RALA: variants seen among roughly 807,000 people sequenced by gnomAD.
RALA encodes ras-related protein Ral-A.
Under a neutral mutation model 24.0 loss-of-function variants are expected in RALA, and 5 were observed. That is an observed-to-expected ratio of 0.21 (90% CI 0.11 to 0.44). The LOEUF (loss-of-function observed/expected upper bound fraction) is 0.44. Among genes scored for constraint, RALA ranks in the 20% least tolerant of loss-of-function variants. The pLI is 0.99. For synonymous variants in RALA, 77 were observed against 83.8 expected (o/e 0.92, Z 0.44); for missense variants, 95 against 241.2 (o/e 0.39, Z 4.01).
In RALA at chr7:39,688,579, A is replaced by ATTT. The variant is rs34265657; in HGVS notation, c.115-1786_115-1784dup. Among the ~76,000 whole-genome samples the ATTT allele has an allele frequency of 1.9e-3, 274 of 142,772 alleles. 3 individuals carry two copies. Among genetic ancestry groups the ATTT allele is most frequent in the Non-Finnish European group, 2.8e-3 (183 of 66,158 alleles). The allele number at this position is 142,772 out of a possible 152,430, so 93.7% of individuals were successfully genotyped here. A position where few individuals can be genotyped will look rare whatever the true frequency, so the allele number is the denominator to read the frequency against. On this transcript the variant is annotated intron_variant, in intron 2 of 4. Coordinates refer to ENST00000005257, the MANE Select transcript of RALA (RefSeq NM_005402.4). The stretch of plus-strand genomic sequence containing the variant: ...AAAAGTAAGAATATTCACATGCCTA[A>ATTT]TTTTTTTTTTTTTTTTTTTAAAGAT...
chr7:39,646,924 A>G (rs1002965735), intron 1 of RALA, among the ~76,000 whole-genome samples: 2 of 152,246 alleles, frequency 1.3e-5, no homozygotes, highest in Admixed American at 1.3e-4. Context: ...GAGAGGTTGG[A>G]TAAGCTATTA....
chr7:39,705,408 C>CAA (rs1197741475), intron 4 of RALA, among the ~76,000 whole-genome samples: 1 of 152,092 alleles, frequency 6.6e-6, no homozygotes, highest in African/African-American at 2.4e-5. Context: ...TACTCTCAGC[C>CAA]GTTTATGTGG....
At chr7:39,665,731 G>A (rs1276950358) in intron 1 of RALA, among the ~76,000 whole-genome samples, 2 of 151,272 alleles carry the variant, frequency 1.3e-5, no homozygotes, top group East Asian at 2.0e-4. Flanking sequence ...TGTGCCACCC[G>A]TGAGAATTAT....
intron 1 of RALA, among the ~76,000 whole-genome samples, chr7:39,675,697 C>T (rs1792473005): frequency 6.7e-6 from 1 of 149,680 alleles, no homozygotes; most frequent in African/African-American, 2.5e-5. Flanking sequence ...TTACATTCTA[C>T]ACTCTAGCCT....
intron 2 of RALA, among the ~76,000 whole-genome samples, chr7:39,688,740 A>G (rs1792756577): frequency 6.6e-6 from 1 of 152,076 alleles, no homozygotes; most frequent in South Asian, 2.1e-4. Context: ...TGCCCAGCTA[A>G]TTGTTGTATA....
chr7:39,676,404 T>G (rs1322934788), intron 1 of RALA, among the ~76,000 whole-genome samples: 1 of 152,240 alleles, frequency 6.6e-6, no homozygotes, highest in Non-Finnish European at 1.5e-5. Flanking sequence ...TAAAACAGGT[T>G]ATGTATCCTT....
intron 1 of RALA, among the ~76,000 whole-genome samples, chr7:39,645,970 A>C (rs926911127): frequency 1.6e-4 from 25 of 152,186 alleles, no homozygotes; most frequent in Non-Finnish European, 2.4e-4. Context: ...TCATCAAAAC[A>C]ATTTAAGAAG....
chr7:39,627,304 C>T (rs1006436349), intron 1 of RALA, among the ~76,000 whole-genome samples: 3 of 151,986 alleles, frequency 2.0e-5, no homozygotes, highest in African/African-American at 4.8e-5. Flanking sequence ...TTTAATTATA[C>T]GTGAAGGTGA....
At chr7:39,630,321 G>A (rs1791574014) in intron 1 of RALA, among the ~76,000 whole-genome samples, 1 of 150,226 alleles carries the variant, frequency 6.7e-6, no homozygotes, top group Non-Finnish European at 1.5e-5. Flanking sequence ...CACAGTGCTG[G>A]AATTACAGGC....
intron 4 of RALA, among the ~76,000 whole-genome samples, chr7:39,699,856 C>T (rs1334773546): frequency 6.6e-6 from 1 of 152,180 alleles, no homozygotes; most frequent in African/African-American, 2.4e-5. Flanking sequence ...GGACACTTGG[C>T]CCTCAAACAA....
At chr7:39,652,290 G>A (rs1461284958) in intron 1 of RALA, among the ~76,000 whole-genome samples, 1 of 152,152 alleles carries the variant, frequency 6.6e-6, no homozygotes, top group Non-Finnish European at 1.5e-5. Flanking sequence ...CTGTGGCAAT[G>A]GCAGTTAAAT....
At chr7:39,648,096 A>G (rs886158029) in intron 1 of RALA, among the ~76,000 whole-genome samples, 1 of 152,196 alleles carries the variant, frequency 6.6e-6, no homozygotes, top group Non-Finnish European at 1.5e-5. Context: ...ACCTTTATAG[A>G]GGCTGTCATC....
chr7:39,683,485 G>T (rs1431064553), intron 1 of RALA, among the ~76,000 whole-genome samples: 2 of 152,080 alleles, frequency 1.3e-5, no homozygotes, highest in African/African-American at 2.4e-5. Context: ...TAGCACTAAT[G>T]GTATTTGCTT....
At chr7:39,674,950 C>T (rs1359637449) in intron 1 of RALA, among the ~76,000 whole-genome samples, 1 of 151,000 alleles carries the variant, frequency 6.6e-6, no homozygotes, top group East Asian at 2.0e-4. Context: ...CAGCCTCCTG[C>T]ATAGCTGGGA....
At position 39,705,599 on chromosome 7, in the gene RALA, AACAG is replaced by A. The variant is rs781735905; in HGVS notation, c.499-520_499-517del. ...ACTGATAAATTCTCAAATACAGAGT[AACAG>A]ACAAAGTTGTTTCATAGTGTCTGGT... On this transcript the variant is annotated intron_variant, in intron 4 of 4. Transcript: ENST00000005257. Among the ~76,000 whole-genome samples the A allele has an allele frequency of 3.9e-5, 6 of 152,310 alleles. 1 individual carries two copies. The highest frequency in any genetic ancestry group is 2.4e-5 in the African/African-American group (1 of 41,590).
intron 1 of RALA, among the ~76,000 whole-genome samples, chr7:39,633,237 C>T (rs533754704): frequency 9.8e-5 from 15 of 152,316 alleles, no homozygotes; most frequent in Non-Finnish European, 1.9e-4. Flanking sequence ...TCTGTTCTCG[C>T]ACTGCTATAA....
At chr7:39,654,033 T>G (rs1408970017) in intron 1 of RALA, among the ~76,000 whole-genome samples, 6 of 152,128 alleles carry the variant, frequency 3.9e-5, no homozygotes, top group African/African-American at 1.2e-4. Flanking sequence ...TAGGGAACAA[T>G]GAAACAAGCC....
chr7:39,697,116 AC>A (rs924910252), intron 4 of RALA, among the ~76,000 whole-genome samples: 14 of 152,238 alleles, frequency 9.2e-5, no homozygotes, highest in African/African-American at 2.9e-4. Flanking sequence ...GGCATTCCTG[AC>A]TTTTTTCCCC....
chr7:39,699,124 T>C (rs1313634350), intron 4 of RALA, among the ~76,000 whole-genome samples: 5 of 98,262 alleles, frequency 5.1e-5, no homozygotes, highest in African/African-American at 2.4e-4. Flanking sequence ...AAATGTTATT[T>C]TTTTTTTTTT....
Sources: allele counts gnomAD v4.1 joint callset (sites outside exome capture counted in the v4.1 genomes callset), GRCh38; gene constraint gnomAD v4.1.1; transcripts MANE v1.5; gene names NCBI Gene and HGNC (gene_info 2026-07-23, HGNC 2026-07-21).